SPCS2: variants seen among roughly 807,000 people sequenced by gnomAD.
SPCS2 encodes SPase 25 kDa subunit.
Under a neutral mutation model 22.3 loss-of-function variants are expected in SPCS2, and 3 were observed. The ratio of observed to expected loss-of-function variants is 0.13; its 90% CI spans 0.06 to 0.35. The LOEUF is 0.35. SPCS2 is among the 10% of genes least tolerant of loss of function. The probability of loss-of-function intolerance (pLI) is 1.00; values close to 1 mark genes in which losing one functional copy is unlikely to be tolerated. For synonymous variants in SPCS2, 67 were observed against 97.2 expected, an observed-to-expected ratio of 0.69 and a Z score of 1.83; for missense variants, 169 against 280.9, an observed-to-expected ratio of 0.60 and a Z score of 2.85.
chr11:74,967,380 G>T (rs771304797), intron 3 of SPCS2, among the ~76,000 whole-genome samples: 5 of 152,184 alleles, frequency 3.3e-5, no homozygotes, highest in Non-Finnish European at 7.3e-5. Flanking sequence ...CATTTGTTTG[G>T]TTATATTTGT....
At chr11:74,955,820 C>G (rs1948474160) in intron 1 of SPCS2, among the ~76,000 whole-genome samples, 1 of 123,950 alleles carries the variant, frequency 8.1e-6, no homozygotes, top group Non-Finnish European at 1.6e-5. Flanking sequence ...ACACTGATTA[C>G]TTTAATACTA....
At chr11:74,961,997 T>C (rs1948517161) in intron 1 of SPCS2, among the ~76,000 whole-genome samples, 1 of 152,222 alleles carries the variant, frequency 6.6e-6, no homozygotes, top group African/African-American at 2.4e-5. Context: ...TAAAGAATTT[T>C]GTTGGCCTGT....
At chr11:74,960,502 C>CTTT (rs367939644) in intron 1 of SPCS2, among the ~76,000 whole-genome samples, 4 of 143,964 alleles carry the variant, frequency 2.8e-5, no homozygotes, top group Non-Finnish European at 4.5e-5. Context: ...AGATTAACAT[C>CTTT]TTTTTTTTTT....
At chr11:74,964,718 G>T (rs1041892153) in intron 1 of SPCS2, among the ~76,000 whole-genome samples, 4 of 152,160 alleles carry the variant, frequency 2.6e-5, no homozygotes, top group Non-Finnish European at 5.9e-5. Flanking sequence ...TTCTGGTTCT[G>T]GGGTTGTTTT....
At chr11:74,973,421 T>G (rs1948598141) in intron 4 of SPCS2, among the ~76,000 whole-genome samples, 1 of 152,208 alleles carries the variant, frequency 6.6e-6, no homozygotes, top group South Asian at 2.1e-4. Context: ...CTTCCTTTCT[T>G]CCCATTATCC....
At chr11:74,966,727 T>A (rs527325370) in intron 3 of SPCS2, among the ~76,000 whole-genome samples, 2 of 151,674 alleles carry the variant, frequency 1.3e-5, no homozygotes, top group South Asian at 4.2e-4. Context: ...GTTGGTAGTT[T>A]ACTTTTTTAA....
At chr11:74,954,301 C>T (rs533813154) in intron 1 of SPCS2, among the ~76,000 whole-genome samples, 1 of 152,242 alleles carries the variant, frequency 6.6e-6, no homozygotes, top group Non-Finnish European at 1.5e-5. Context: ...CCCAAGACCA[C>T]ACAGTGAATT....
intron 1 of SPCS2, among the ~76,000 whole-genome samples, chr11:74,958,280 A>G (rs1948490929): frequency 6.6e-6 from 1 of 152,264 alleles, no homozygotes; most frequent in Admixed American, 6.5e-5. Context: ...GAATGCAGTC[A>G]GTAATAAGCA....
chr11:74,950,428 A>C, intron 1 of SPCS2, among the ~76,000 whole-genome samples: 1 of 152,238 alleles, frequency 6.6e-6, no homozygotes, highest in East Asian at 1.9e-4. Flanking sequence ...AACAGCTTTC[A>C]GACTTCCCTG....
intron 4 of SPCS2, among the ~76,000 whole-genome samples, chr11:74,970,616 CA>C (rs1372088794): frequency 1.1e-4 from 16 of 152,192 alleles, no homozygotes; most frequent in African/African-American, 3.4e-4. Context: ...CTGTGCCATA[CA>C]GACTGTCTCA....
chr11:74,965,810 T>C lies in SPCS2; in HGVS notation c.246T>C (p.Asp82=), dbSNP rs1247124138. ...ATGTGGAGAATTTTGGTCTAATTGA[T>C]GGTCGCCTCACCATCTGTACAATCT... The part of the protein sequence containing the change: ...YKYVENFGLI[D]GRLTICTISC... Residue 82 remains aspartate (D), a synonymous_variant, in exon 3 of 5, where the codon GAT becomes GAC. Transcript: ENST00000263672. 1 of 1,613,244 alleles carries C rather than the reference T, an allele frequency of 6.2e-7. No individual in the cohort carries two copies. The highest frequency in any genetic ancestry group is 1.7e-5 in the Admixed American group (1 of 59,974).
intron 3 of SPCS2, 39 bp downstream of exon 3, chr11:74,965,962 ATT>A: frequency 6.4e-7 from 1 of 1,551,992 alleles, no homozygotes; most frequent in South Asian, 1.2e-5. Flanking sequence ...TCTAGTGACT[ATT>A]TTTTTAAATC....
At chr11:74,973,839 G>T (rs1273188822) in intron 4 of SPCS2, among the ~76,000 whole-genome samples, 1 of 151,728 alleles carries the variant, frequency 6.6e-6, no homozygotes, top group Non-Finnish European at 1.5e-5. Context: ...CCTATCTAAG[G>T]CCTTCCCTCC....
intron 1 of SPCS2, among the ~76,000 whole-genome samples, chr11:74,950,220 C>T (rs1385189102): frequency 6.6e-6 from 1 of 152,076 alleles, no homozygotes; most frequent in Non-Finnish European, 1.5e-5. Flanking sequence ...CTCTAATTAG[C>T]TTTGTGACCT....
At chr11:74,967,093 A>T (rs1451803398) in intron 3 of SPCS2, among the ~76,000 whole-genome samples, 1 of 152,234 alleles carries the variant, frequency 6.6e-6, no homozygotes, top group Non-Finnish European at 1.5e-5. Flanking sequence ...CTTCAGAGGC[A>T]GTTAGCAAAC....
intron 3 of SPCS2, among the ~76,000 whole-genome samples, chr11:74,966,773 C>CG (rs11442251): frequency 0.81 from 123,198 of 152,006 alleles, 50,061 homozygotes; most frequent in African/African-American, 0.85. Flanking sequence ...GTTTTGTTTT[C>CG]TTTTTTTTGA....
At chr11:74,955,310 A>G (rs1335007666) in intron 1 of SPCS2, among the ~76,000 whole-genome samples, 1 of 152,228 alleles carries the variant, frequency 6.6e-6, no homozygotes, top group Non-Finnish European at 1.5e-5. Context: ...ATAATGGCCT[A>G]AAGGTAGAAA....
At chr11:74,964,373 A>G (rs1237768221) in intron 1 of SPCS2, among the ~76,000 whole-genome samples, 2 of 152,250 alleles carry the variant, frequency 1.3e-5, no homozygotes, top group Non-Finnish European at 2.9e-5. Context: ...AAATAGAAGT[A>G]GAGTTTGTCC....
chr11:74,950,079 A>G (rs765490830), intron 1 of SPCS2, among the ~76,000 whole-genome samples: 31 of 151,970 alleles, frequency 2.0e-4, no homozygotes, highest in Non-Finnish European at 3.7e-4. Flanking sequence ...TTTTAACTGC[A>G]GTCCTAGCAA....
Sources: gnomAD v4.1 joint callset for allele counts (sites outside exome capture counted in the v4.1 genomes callset) on GRCh38, gnomAD v4.1.1 for gene constraint, MANE v1.5 for transcripts, NCBI Gene and HGNC (gene_info 2026-07-23, HGNC 2026-07-21) for gene names.